Variants in NRG1 observed in about 807,000 individuals in gnomAD.
The protein encoded by NRG1 is pro-neuregulin-1, membrane-bound isoform.
A neutral mutation model predicts 63.8 loss-of-function variants in NRG1; 18 were observed. The ratio of observed to expected loss-of-function variants is 0.28; its 90% CI spans 0.19 to 0.42. The LOEUF is 0.42. Ranked by LOEUF, NRG1 falls within the 10% of genes least tolerant of loss-of-function variation. NRG1 has a pLI of 1.00. For synonymous variants in NRG1, 302 were observed against 301.3 expected (o/e 1.00, Z -0.02); for missense variants, 762 against 814.7 (o/e 0.94, Z 0.79).
At chr8:32,153,036 A>G (rs913750922) in intron 1 of NRG1, among the ~76,000 whole-genome samples, 1 of 152,158 alleles carries the variant, frequency 6.6e-6, no homozygotes, top group Non-Finnish European at 1.5e-5. Flanking sequence ...GGGATTTTTC[A>G]TCTCTCATGT....
At chr8:31,804,082 C>T (rs771233830) in intron 1 of NRG1, among the ~76,000 whole-genome samples, 25 of 152,128 alleles carry the variant, frequency 1.6e-4, no homozygotes, top group Non-Finnish European at 3.7e-4. Flanking sequence ...ATTGTCTTTT[C>T]CCAGTCTCCA....
At chr8:32,397,176 G>A (rs1812544471) in intron 1 of NRG1, among the ~76,000 whole-genome samples, 1 of 152,128 alleles carries the variant, frequency 6.6e-6, no homozygotes, top group Admixed American at 6.5e-5. Context: ...GATATCTAAT[G>A]CCTGGAAAGC....
At chr8:32,576,785 T>C (rs1839720872) in intron 1 of NRG1, among the ~76,000 whole-genome samples, 1 of 151,502 alleles carries the variant, frequency 6.6e-6, no homozygotes, top group Admixed American at 6.6e-5. Flanking sequence ...TTTCGACTTA[T>C]ATTTTATATT....
At chr8:31,973,358 A>T (rs1025048276) in intron 1 of NRG1, among the ~76,000 whole-genome samples, 4 of 152,188 alleles carry the variant, frequency 2.6e-5, no homozygotes, top group African/African-American at 9.7e-5. Flanking sequence ...CTATTTTTAG[A>T]TCTAATTATT....
intron 1 of NRG1, among the ~76,000 whole-genome samples, chr8:31,807,362 G>A (rs1822391321): frequency 6.6e-6 from 1 of 152,082 alleles, no homozygotes; most frequent in Non-Finnish European, 1.5e-5. Context: ...TTTATTGTAT[G>A]TCTTCTCTAC....
chr8:32,042,420 TG>T (rs1820209544), intron 1 of NRG1, among the ~76,000 whole-genome samples: 1 of 151,984 alleles, frequency 6.6e-6, no homozygotes, highest in Non-Finnish European at 1.5e-5. Flanking sequence ...CACTCCAGCT[TG>T]GGTGATAGAG....
chr8:32,281,109 T>A (rs969885388), intron 1 of NRG1, among the ~76,000 whole-genome samples: 3 of 151,454 alleles, frequency 2.0e-5, no homozygotes, highest in Non-Finnish European at 2.9e-5. Flanking sequence ...AATTGCATGT[T>A]ACTGGGGTTT....
At chr8:32,418,090 A>G (rs1220445348) in intron 1 of NRG1, among the ~76,000 whole-genome samples, 9 of 152,180 alleles carry the variant, frequency 5.9e-5, no homozygotes, top group African/African-American at 2.2e-4. Flanking sequence ...AGATTATTAT[A>G]CTAAATGTTT....
At chr8:32,457,991 C>A (rs1038463881) in intron 1 of NRG1, among the ~76,000 whole-genome samples, 11 of 151,892 alleles carry the variant, frequency 7.2e-5, no homozygotes, top group Non-Finnish European at 1.6e-4. Context: ...GATCTCGGCT[C>A]CCTGCAAACT....
At chr8:32,258,616 TGAGA>T (rs145599268) in intron 1 of NRG1, among the ~76,000 whole-genome samples, 3 of 150,778 alleles carry the variant, frequency 2.0e-5, no homozygotes, top group Admixed American at 6.6e-5. Context: ...TGGTGGCAGG[TGAGA>T]GAGAGAGAGA....
intron 1 of NRG1, among the ~76,000 whole-genome samples, chr8:32,307,627 G>GTGTT (rs1554503442): frequency 7.3e-5 from 11 of 149,828 alleles, no homozygotes; most frequent in Non-Finnish European, 1.6e-4. Flanking sequence ...GTGTGTGTGT[G>GTGTT]TTTGTGTGTT....
intron 1 of NRG1, among the ~76,000 whole-genome samples, chr8:31,843,995 GGTACT>G (rs1451358616): frequency 6.6e-6 from 1 of 152,190 alleles, no homozygotes; most frequent in African/African-American, 2.4e-5. Flanking sequence ...TAATCTTCCA[GGTACT>G]GTTCAAAGAG....
chr8:32,054,546 A>T (rs1411561245), intron 1 of NRG1, among the ~76,000 whole-genome samples: 1 of 152,220 alleles, frequency 6.6e-6, no homozygotes, highest in Non-Finnish European at 1.5e-5. Flanking sequence ...AAGCATTTAG[A>T]TGATGATGTT....
intron 1 of NRG1, among the ~76,000 whole-genome samples, chr8:32,395,843 T>C (rs527252586): frequency 6.6e-6 from 1 of 152,282 alleles, no homozygotes; most frequent in South Asian, 2.1e-4. Context: ...TATTTTTTTC[T>C]AGGCATGTTA....
intron 1 of NRG1, among the ~76,000 whole-genome samples, chr8:32,347,469 C>T (rs2129479158): frequency 6.6e-6 from 1 of 152,296 alleles, no homozygotes; most frequent in African/African-American, 2.4e-5. Flanking sequence ...TGTCAACTCA[C>T]CTGCACCTCA....
chr8:32,055,837 A>T (rs1259316749), intron 1 of NRG1, among the ~76,000 whole-genome samples: 1 of 152,086 alleles, frequency 6.6e-6, no homozygotes, highest in East Asian at 1.9e-4. Context: ...TGGTGATATG[A>T]TACTGGGCCG....
At chr8:32,648,092 G>A in intron 5 of NRG1, 1 of 1,613,994 alleles carries the variant, frequency 6.2e-7, no homozygotes, top group South Asian at 1.1e-5. Flanking sequence ...TTATTTCTCT[G>A]GACGCAACTG....
chr8:32,748,650 G>T (rs896402234), intron 7 of NRG1: 1 of 453,120 alleles, frequency 2.2e-6, no homozygotes, highest in Non-Finnish European at 4.4e-6. Flanking sequence ...AGCCCTGCAG[G>T]TCCTCCAAGT....
At chr8:32,647,782 A>G (rs1853962405) in intron 5 of NRG1, 3 of 1,611,830 alleles carry the variant, frequency 1.9e-6, no homozygotes, top group Non-Finnish European at 2.5e-6. Context: ...CCCTCCACTC[A>G]GCTGAGTGCA....
Sources: gnomAD v4.1 joint callset for allele counts (sites outside exome capture counted in the v4.1 genomes callset) on GRCh38, gnomAD v4.1.1 for gene constraint, MANE v1.5 for transcripts, NCBI Gene and HGNC (gene_info 2026-07-23, HGNC 2026-07-21) for gene names.